Variants in SPOCK3 observed in about 807,000 individuals in gnomAD.
SPOCK3 encodes the protein testican-3.
SPOCK3 carries 30 observed loss-of-function variants against 56.6 expected under a neutral mutation model. That is an observed-to-expected ratio of 0.53 (90% confidence interval 0.40 to 0.72). The LOEUF (loss-of-function observed/expected upper bound fraction) is 0.72, where lower values mean the gene tolerates loss of function less well. Among genes scored for constraint, SPOCK3 ranks in the 30% least tolerant of loss-of-function variants. The pLI is 0.00. For synonymous variants in SPOCK3, 196 were observed against 183.3 expected, an observed-to-expected ratio of 1.07 and a Z score of -0.56; for missense variants, 527 against 530.0, an observed-to-expected ratio of 0.99 and a Z score of 0.06.
At chr4:166,868,119 C>T (rs766239480) in intron 6 of SPOCK3, among the ~76,000 whole-genome samples, 7 of 151,818 alleles carry the variant, frequency 4.6e-5, no homozygotes, top group Admixed American at 1.3e-4. Flanking sequence ...TTTCTTGCTA[C>T]TCTAGTTACA....
At chr4:167,091,048 A>T (rs1455151575) in intron 2 of SPOCK3, among the ~76,000 whole-genome samples, 1 of 152,200 alleles carries the variant, frequency 6.6e-6, no homozygotes, top group Non-Finnish European at 1.5e-5. Flanking sequence ...GCTACATCCT[A>T]TTAGTGCAGA....
At chr4:167,144,151 C>A (rs1464033120) in intron 2 of SPOCK3, among the ~76,000 whole-genome samples, 1 of 151,836 alleles carries the variant, frequency 6.6e-6, no homozygotes, top group Non-Finnish European at 1.5e-5. Context: ...TTCTTTTCCT[C>A]TTCTCTTGGT....
At chr4:167,207,988 A>G (rs1734517390) in intron 2 of SPOCK3, among the ~76,000 whole-genome samples, 1 of 152,148 alleles carries the variant, frequency 6.6e-6, no homozygotes, top group Non-Finnish European at 1.5e-5. Context: ...TGTTGTGTAA[A>G]TGGCCTTCTG....
intron 3 of SPOCK3, among the ~76,000 whole-genome samples, chr4:167,008,871 GA>G (rs1421042983): frequency 6.6e-6 from 1 of 151,974 alleles, no homozygotes; most frequent in Non-Finnish European, 1.5e-5. Flanking sequence ...GGAAGGACTG[GA>G]AAAACTACCT....
intron 5 of SPOCK3, among the ~76,000 whole-genome samples, chr4:166,890,810 T>C (rs529963035): frequency 5.3e-5 from 8 of 152,092 alleles, no homozygotes; most frequent in Admixed American, 2.6e-4. Context: ...AATATCCTTG[T>C]TAATTTTCTG....
chr4:167,116,937 T>G (rs1467833979), intron 2 of SPOCK3, among the ~76,000 whole-genome samples: 1 of 116,992 alleles, frequency 8.5e-6, no homozygotes, highest in Non-Finnish European at 2.0e-5. Context: ...ATATATACTT[T>G]TGTGTATATG....
intron 2 of SPOCK3, among the ~76,000 whole-genome samples, chr4:167,124,904 G>A (rs1465722517): frequency 6.6e-6 from 1 of 152,064 alleles, no homozygotes; most frequent in East Asian, 1.9e-4. Flanking sequence ...AAGGTCTTGC[G>A]GTCTTGGCTC....
At chr4:166,858,830 T>G (rs1178550158) in intron 6 of SPOCK3, among the ~76,000 whole-genome samples, 1 of 152,170 alleles carries the variant, frequency 6.6e-6, no homozygotes, top group African/African-American at 2.4e-5. Context: ...GTTGGGCTCT[T>G]TTCATTGTGA....
intron 3 of SPOCK3, among the ~76,000 whole-genome samples, chr4:167,047,944 G>C (rs189259208): frequency 2.6e-5 from 4 of 152,240 alleles, no homozygotes; most frequent in Admixed American, 6.5e-5. Context: ...TACTTAGGAG[G>C]CTGAGCCAGG....
chr4:167,077,751 C>G (rs1323787092), intron 2 of SPOCK3, among the ~76,000 whole-genome samples: 1 of 151,684 alleles, frequency 6.6e-6, no homozygotes, highest in Non-Finnish European at 1.5e-5. Context: ...GAAAATATTA[C>G]TATTGGTAAC....
intron 8 of SPOCK3, among the ~76,000 whole-genome samples, chr4:166,753,859 C>T (rs895785819): frequency 6.6e-6 from 1 of 151,924 alleles, no homozygotes; most frequent in Non-Finnish European, 1.5e-5. Context: ...TCAATTGATT[C>T]CATAAGCCTG....
chr4:167,188,959 T>C lies in SPOCK3; in HGVS notation c.189+45026A>G, dbSNP rs557355545. On this transcript the variant is annotated intron_variant, in intron 2 of 10. Coordinates refer to ENST00000357545, the MANE Select transcript of SPOCK3 (RefSeq NM_001040159.2). ...GAAATTGAATTTGCATTTAAAATTC[T>C]TCTCACAGAGAAAACTCCAGGCTTC... Among the ~76,000 whole-genome samples, 22 of 146,634 alleles carry C rather than the reference T, an allele frequency of 1.5e-4. 3 individuals are homozygous for C. The highest frequency in any genetic ancestry group is 5.2e-4 in the African/African-American group (20 of 38,620).
At chr4:166,935,609 C>T (rs974036232) in intron 4 of SPOCK3, among the ~76,000 whole-genome samples, 5 of 152,116 alleles carry the variant, frequency 3.3e-5, no homozygotes, top group African/African-American at 4.8e-5. Flanking sequence ...AATGTAAAAA[C>T]CATTTTGGTT....
intron 2 of SPOCK3, among the ~76,000 whole-genome samples, chr4:167,074,914 T>A (rs1306153374): frequency 1.3e-5 from 2 of 151,984 alleles, no homozygotes; most frequent in African/African-American, 4.8e-5. Context: ...TACAATGTTT[T>A]GATACAAATT....
chr4:167,046,450 C>CTTTT (rs67108499), intron 3 of SPOCK3, among the ~76,000 whole-genome samples: 32 of 53,702 alleles, frequency 6.0e-4, no homozygotes, highest in East Asian at 1.6e-3. Flanking sequence ...TTCTGATATT[C>CTTTT]TTTTTTTTTT....
chr4:166,927,227 C>T (rs578082954), intron 4 of SPOCK3, among the ~76,000 whole-genome samples: 26 of 152,306 alleles, frequency 1.7e-4, no homozygotes, highest in Admixed American at 3.9e-4. Context: ...CAAATCTCCT[C>T]TTGAATTTTG....
chr4:167,214,201 T>C (rs80150059), intron 2 of SPOCK3, among the ~76,000 whole-genome samples: 3,090 of 152,224 alleles, frequency 0.02, 49 homozygotes, highest in South Asian at 0.055. Flanking sequence ...AACCACCCAA[T>C]AGGTAGCAGT....
chr4:167,155,298 G>T (rs1161306214), intron 2 of SPOCK3, among the ~76,000 whole-genome samples: 1 of 151,424 alleles, frequency 6.6e-6, no homozygotes, highest in Non-Finnish European at 1.5e-5. Context: ...TTCTATTTTT[G>T]TTAGAGATGG....
intron 8 of SPOCK3, among the ~76,000 whole-genome samples, chr4:166,748,856 T>A (rs7686291): frequency 0.72 from 97,781 of 135,608 alleles, 40,303 homozygotes; most frequent in South Asian, 0.79. Flanking sequence ...TCAAACGAAG[T>A]CATTTATGCC....
Sources: gnomAD v4.1 joint callset for allele counts (sites outside exome capture counted in the v4.1 genomes callset) on GRCh38, gnomAD v4.1.1 for gene constraint, MANE v1.5 for transcripts, NCBI Gene and HGNC (gene_info 2026-07-23, HGNC 2026-07-21) for gene names.